The following VGLL4 variants were observed in gnomAD, a reference collection of about 807,000 sequenced individuals.
The protein encoded by VGLL4 is vestigial like family member 4, also known as transcription cofactor vestigial-like protein 4.
In VGLL4, 7 loss-of-function variants were observed where a neutral mutation model predicts 21.0. That is an observed-to-expected ratio of 0.33 (90% CI 0.19 to 0.63). VGLL4 has a LOEUF of 0.63. Among genes scored for constraint, VGLL4 ranks in the 20% least tolerant of loss-of-function variants. The probability of loss-of-function intolerance (pLI) is 0.78; values close to 1 mark genes in which losing one functional copy is unlikely to be tolerated. For missense variants in VGLL4, 394 were observed against 425.7 expected (o/e 0.93, Z 0.66); for synonymous variants, 222 against 173.2 (o/e 1.28, Z -2.21).
At chr3:11,669,797 A>G (rs1374034590) in intron 2 of VGLL4, among the ~76,000 whole-genome samples, 1 of 152,054 alleles carries the variant, frequency 6.6e-6, no homozygotes, top group Non-Finnish European at 1.5e-5. Context: ...CTCCCATCTC[A>G]GCCTCCTGAA....
chr3:11,603,742 C>T (rs2074862499), intron 1 of VGLL4, among the ~76,000 whole-genome samples: 1 of 152,170 alleles, frequency 6.6e-6, no homozygotes, highest in Admixed American at 6.5e-5. Context: ...GAGGAGTCCT[C>T]GGGCTTGGAC....
chr3:11,655,730 G>C (rs1343192573), intron 2 of VGLL4, among the ~76,000 whole-genome samples: 1 of 152,182 alleles, frequency 6.6e-6, no homozygotes, highest in African/African-American at 2.4e-5. Context: ...TCCAGTTTGT[G>C]TCTGGTTCCG....
At chr3:11,661,457 T>TTATC (rs1553740491) in intron 2 of VGLL4, among the ~76,000 whole-genome samples, 1 of 151,200 alleles carries the variant, frequency 6.6e-6, no homozygotes, top group Non-Finnish European at 1.5e-5. Flanking sequence ...ATTTATTTAT[T>TTATC]TATTTATCTA....
intron 2 of VGLL4, among the ~76,000 whole-genome samples, chr3:11,652,557 A>G (rs2075890591): frequency 6.6e-6 from 1 of 152,136 alleles, no homozygotes; most frequent in Admixed American, 6.5e-5. Context: ...AGTAGCTGGG[A>G]TAACAGGCAC....
intron 2 of VGLL4, among the ~76,000 whole-genome samples, chr3:11,662,089 T>A (rs1373235762): frequency 6.6e-6 from 1 of 152,064 alleles, no homozygotes; most frequent in Non-Finnish European, 1.5e-5. Flanking sequence ...AAGAAAGCTA[T>A]CAGAAGAAAC....
At chr3:11,605,537 CTCATT>C (rs1353494790) in intron 1 of VGLL4, among the ~76,000 whole-genome samples, 1 of 152,022 alleles carries the variant, frequency 6.6e-6, no homozygotes, top group Non-Finnish European at 1.5e-5. Context: ...CCCCAATCTT[CTCATT>C]TAAGTTCATA....
rs140210901 is a variant in VGLL4, at chr3:11,601,979, C to G, written c.126G>C (p.Pro42=). 2 of 1,604,598 alleles carry G rather than the reference C, an allele frequency of 1.2e-6. No individual in the cohort carries two copies. The highest frequency in any genetic ancestry group is 4.5e-5 in the East Asian group (2 of 44,232). ...LRGEPRIQTL[P]VASALSSHRT... Reference sequence around the variant, plus strand: ...GGTGACTGCTGAGGGCAGAGGCCACCGGCAGGGTCTGTATTCTGGGTTCTC... The same window carrying G: ...GGTGACTGCTGAGGGCAGAGGCCACGGGCAGGGTCTGTATTCTGGGTTCTC... Residue 42 remains proline (P), a synonymous_variant, in exon 2 of 5, where the codon CCG becomes CCC. Coordinates refer to ENST00000430365, the MANE Select transcript of VGLL4 (RefSeq NM_001128219.3).
chr3:11,572,309 G>T (rs1020742602), intron 2 of VGLL4, among the ~76,000 whole-genome samples: 1 of 152,150 alleles, frequency 6.6e-6, no homozygotes, highest in Non-Finnish European at 1.5e-5. Flanking sequence ...ACTTTTCTAA[G>T]TTTACAAAAC....
upstream of VGLL4, among the ~76,000 whole-genome samples, chr3:11,644,845 C>CAAAAAAAAAAAAA (rs11293808): frequency 4.2e-5 from 3 of 71,210 alleles, no homozygotes; most frequent in Non-Finnish European, 6.8e-5. Context: ...GACTTTGTCT[C>CAAAAAAAAAAAAA]AAAAAAAAAA....
intron 2 of VGLL4, among the ~76,000 whole-genome samples, chr3:11,681,817 G>C (rs1164840125): frequency 6.6e-6 from 1 of 152,202 alleles, no homozygotes; most frequent in African/African-American, 2.4e-5. Context: ...GATTCGAGAA[G>C]GGCGTTTCAG....
At chr3:11,705,241 A>G (rs2076742342) in intron 1 of VGLL4, among the ~76,000 whole-genome samples, 1 of 152,204 alleles carries the variant, frequency 6.6e-6, no homozygotes, top group South Asian at 2.1e-4. Context: ...GAGCTCGGGA[A>G]GCTGAGCGCA....
At chr3:11,598,947 T>C (rs1212944699) in intron 2 of VGLL4, among the ~76,000 whole-genome samples, 1 of 152,262 alleles carries the variant, frequency 6.6e-6, no homozygotes, top group Non-Finnish European at 1.5e-5. Flanking sequence ...CACTAGGCTA[T>C]TCCTTTTCAA....
intron 2 of VGLL4, among the ~76,000 whole-genome samples, chr3:11,585,413 G>T (rs1294962644): frequency 6.6e-6 from 1 of 150,700 alleles, no homozygotes; most frequent in East Asian, 1.9e-4. Flanking sequence ...AGCCTGGGTG[G>T]CAGATTGAGA....
At chr3:11,562,678 C>T (rs1382471289) in intron 3 of VGLL4, among the ~76,000 whole-genome samples, 5 of 152,208 alleles carry the variant, frequency 3.3e-5, no homozygotes, top group Non-Finnish European at 7.3e-5. Context: ...AGGAGCCCCA[C>T]GAATGGTTAC....
intron 2 of VGLL4, chr3:11,693,113 G>A (rs1331480377): frequency 4.8e-6 from 1 of 209,878 alleles, no homozygotes; most frequent in Admixed American, 5.2e-5. Context: ...GGAGCTTGCA[G>A]TGAGCCAAGA....
chr3:11,682,941 C>T (rs548069939), intron 2 of VGLL4, among the ~76,000 whole-genome samples: 4 of 152,074 alleles, frequency 2.6e-5, no homozygotes, highest in South Asian at 2.1e-4. Flanking sequence ...TTAAACTACA[C>T]GAGAGGCCAG....
At chr3:11,577,704 G>A (rs1174625973) in intron 2 of VGLL4, among the ~76,000 whole-genome samples, 3 of 152,168 alleles carry the variant, frequency 2.0e-5, no homozygotes, top group African/African-American at 7.2e-5. Flanking sequence ...CTCCCTCAAG[G>A]AGCACCACAC....
chr3:11,571,036 TGTTTGCCGAGGTGGCGGA>T (rs2073753876), intron 2 of VGLL4, among the ~76,000 whole-genome samples: 1 of 152,162 alleles, frequency 6.6e-6, no homozygotes, highest in Non-Finnish European at 1.5e-5. Flanking sequence ...GTGAAGACGA[TGTTTGCCGAGGTGGCGGA>T]GGCTGAGGCA....
upstream of VGLL4, chr3:11,721,280 T>A (rs1010753963): frequency 6.6e-6 from 1 of 152,264 alleles, no homozygotes; most frequent in African/African-American, 2.4e-5. Flanking sequence ...CAGCACGGTG[T>A]CTCACTGGAT....
Sources: allele counts gnomAD v4.1 joint callset (sites outside exome capture counted in the v4.1 genomes callset), GRCh38; gene constraint gnomAD v4.1.1; transcripts MANE v1.5; gene names NCBI Gene and HGNC (gene_info 2026-07-23, HGNC 2026-07-21).